The following TERT variants were observed in gnomAD, a reference collection of about 807,000 sequenced individuals.
TERT encodes telomerase reverse transcriptase.
A neutral mutation model predicts 104.0 loss-of-function variants in TERT; 42 were observed. That is an observed-to-expected ratio of 0.40 (90% CI 0.32 to 0.52). TERT has a LOEUF of 0.52. TERT is among the 20% of genes least tolerant of loss of function. The pLI is 0.43. For synonymous variants in TERT, 781 were observed against 725.6 expected, an observed-to-expected ratio of 1.08 and a Z score of -1.23; for missense variants, 1,101 against 1,610.3, an observed-to-expected ratio of 0.68 and a Z score of 5.41.
intron 6 of TERT, among the ~76,000 whole-genome samples, chr5:1,272,663 GCC>G: frequency 7.4e-5 from 4 of 54,290 alleles, no homozygotes; most frequent in African/African-American, 2.4e-4. Context: ...CCCCACGACC[GCC>G]ATCCACAGTC....
At chr5:1,273,132 C>CCTGTGACCGAT (rs1749231297) in intron 6 of TERT, among the ~76,000 whole-genome samples, 1 of 33,304 alleles carries the variant, frequency 3.0e-5, no homozygotes. Flanking sequence ...ACATCAGACC[C>CCTGTGACCGAT]CACGACCGCC....
rs905123078 is a variant in TERT, at chr5:1,292,952, A to T, written c.1573+361T>A. ...TCCCACCCTTGAAATTGCGAAGAGG[A>T]TTATAGGTAACCTGCAGGCACCCTC... On this transcript the variant is annotated intron_variant, in intron 2 of 15. Transcript: ENST00000310581. The surrounding 1 kb of genome is among the most constrained non-coding windows in gnomAD (Gnocchi z 5.5). Among the ~76,000 whole-genome samples, 7 of 152,098 alleles carry T rather than the reference A, an allele frequency of 4.6e-5. No homozygotes were observed. Among genetic ancestry groups the T allele is most frequent in the African/African-American group, 1.7e-4 (7 of 41,420 alleles).
At position 1,283,629 on chromosome 5, in the gene TERT, C is replaced by T. The variant is rs1285358366; in HGVS notation, c.1574-1005G>A. 5.3e-5 allele frequency among the ~76,000 whole-genome samples: 8 copies of T among 150,474 alleles called. No individual in the cohort carries two copies. The South Asian group carries it at 1.5e-3, about 28-fold the overall frequency. The stretch of plus-strand genomic sequence containing the variant: ...CCTGCACCATCCAGACACCGCACAT[C>T]CAGCTCACAGCAGGGCCTGGCGACC... On this transcript the variant is annotated intron_variant, in intron 2 of 15. Coordinates refer to ENST00000310581, the MANE Select transcript of TERT (RefSeq NM_198253.3).
chr5:1,274,312 C>T lies in TERT; in HGVS notation c.2287-2032G>A, dbSNP rs138847703. ...GCAGGCAACACGCCCACAAATAGCCCATGGGTCTGAGGTCGGCGGAAAGCA... is the reference window on the plus strand; with the variant it reads ...GCAGGCAACACGCCCACAAATAGCCTATGGGTCTGAGGTCGGCGGAAAGCA... On this transcript the variant is annotated intron_variant, in intron 6 of 15. Coordinates refer to ENST00000310581, the MANE Select transcript of TERT (RefSeq NM_198253.3). The surrounding 1 kb of genome is among the most constrained non-coding windows in gnomAD (Gnocchi z 5.3). Among the ~76,000 whole-genome samples the T allele has an allele frequency of 2.7e-3, 411 of 152,354 alleles. 3 individuals carry two copies. Among genetic ancestry groups the T allele is most frequent in the African/African-American group, 9.3e-3 (388 of 41,572 alleles).
At chr5:1,281,338 G>A (rs991019825) in intron 3 of TERT, among the ~76,000 whole-genome samples, 8 of 152,144 alleles carry the variant, frequency 5.3e-5, no homozygotes, top group African/African-American at 1.9e-4. Context: ...TACCTCTGAC[G>A]AGGTCTGCTG....
chr5:1,272,078 A>C, intron 7 of TERT, 107 bp downstream of exon 7: 1 of 972,908 alleles, frequency 1.0e-6, no homozygotes, highest in Non-Finnish European at 1.6e-6. Flanking sequence ...CATTCCCCCC[A>C]CTGCCCCCCA....
In TERT at chr5:1,293,668, C is replaced by T. The variant is rs1429465659; in HGVS notation, c.1218G>A (p.Gly406=). The T allele has an allele frequency of 6.4e-6, 10 of 1,567,046 alleles. No homozygotes were observed. Among genetic ancestry groups the T allele is most frequent in the Non-Finnish European group, 7.8e-6 (9 of 1,156,472 alleles). ...GCGGGCAGTGCGTCTTGAGGAGCAC[C>T]CCGTAGGGGCACTGCGCGTGGTTCC... ...LLGNHAQCPY[G]VLLKTHCPLR... Residue 406 remains glycine, a synonymous_variant, in exon 2 of 16, where the codon GGG becomes GGA. Transcript: ENST00000310581.
In TERT at chr5:1,294,075, A is replaced by C. The variant is rs1483728464; in HGVS notation, c.811T>G (p.Cys271Gly). 1.3e-6 allele frequency: 2 copies of C among 1,591,740 alleles called. No homozygotes were observed. The highest frequency in any genetic ancestry group is 2.7e-5 in the African/African-American group (2 of 74,360). The change falls in exon 2 of 16, where the codon TGT (cysteine) becomes GGT (glycine). Residue 271 changes from cysteine to glycine, a missense_variant. Cys to Gly is a radical substitution (Grantham distance 159). Transcript: ENST00000310581. ...RTRGPSDRGF[C>G]VVSPARPAEE... ...GCGGGTCTGGCAGGTGACACCACAC[A>C]GAAACCACGGTCACTCGGTCCACGC...
chr5:1,258,675 AAG>A lies in TERT; in HGVS notation c.2971-18_2971-17del, dbSNP rs1343011997. ...GGCTGTTCACCTAGAGTCGCCAAGA[AAG>A]AGTGAGAAACGGTAGAAACCTCTCT... On this transcript the variant is annotated splice_polypyrimidine_tract_variant and intron_variant, in intron 12 of 15. Transcript: ENST00000310581. The A allele has an allele frequency of 1.3e-6, 2 of 1,559,086 alleles. No homozygotes were observed. The highest frequency in any genetic ancestry group is 2.7e-5 in the African/African-American group (2 of 73,716).
intron 3 of TERT, 148 bp downstream of exon 3, chr5:1,282,281 T>C: frequency 2.6e-6 from 2 of 781,290 alleles, no homozygotes; most frequent in South Asian, 2.9e-5. Flanking sequence ...CAGAATCCAC[T>C]TGGACCAGGC....
At position 1,264,596 on chromosome 5, in the gene TERT, AG is replaced by A; in HGVS notation, c.2655-5del. 2 of 1,613,930 alleles carry A rather than the reference AG, an allele frequency of 1.2e-6. No homozygotes were observed. On this transcript the variant is annotated splice_region_variant and splice_polypyrimidine_tract_variant and intron_variant, in intron 10 of 15. Coordinates refer to ENST00000310581, the MANE Select transcript of TERT (RefSeq NM_198253.3). The stretch of plus-strand genomic sequence containing the variant: ...AGGGACACCTCGGACCAGGGTCCTA[AG>A]GCAGAGGGGCAATGTCAGCCCCAGG...
intron 3 of TERT, among the ~76,000 whole-genome samples, chr5:1,281,031 C>A (rs565268543): frequency 1.6e-4 from 24 of 152,192 alleles, no homozygotes; most frequent in Non-Finnish European, 3.2e-4. Flanking sequence ...AGGCACGGTA[C>A]CCTGTCCAGG....
chr5:1,254,528 G>A (rs1476585644), intron 14 of TERT, 23 bp from the exon 15 acceptor site: 2 of 1,604,084 alleles, frequency 1.2e-6, no homozygotes, highest in Non-Finnish European at 8.5e-7. Flanking sequence ...AGAGGCTGAG[G>A]AGTCACAGGC....
Position 1,280,202 on chromosome 5 carries a change from T to C in TERT, c.1906A>G (p.Met636Val), listed in dbSNP as rs1265160730. 3 of 1,614,080 alleles carry C rather than the reference T, an allele frequency of 1.9e-6. No individual in the cohort carries two copies. Among genetic ancestry groups the C allele is most frequent in the Admixed American group, 1.7e-5 (1 of 60,036 alleles). ...GTTCTGGCTCCCACGACGTAGTCCA[T>C]GTTCACAATCGGCCGCAGCCCGTCA... is the stretch of plus-strand genomic sequence containing the variant. ...KPDGLRPIVN[M>V]DYVVGARTFR... The change falls in exon 4 of 16, where the codon ATG becomes GTG. Residue 636 changes from methionine to valine, a missense_variant. Around this residue, in one of 5 missense-constraint regions of TERT, gnomAD observed 463 missense variants for 797.5 expected, o/e 0.58. Transcript: ENST00000310581.
intron 2 of TERT, among the ~76,000 whole-genome samples, chr5:1,290,282 T>G (rs1192163691): frequency 1.7e-5 from 1 of 59,896 alleles, no homozygotes. Flanking sequence ...ACCCTGAACG[T>G]GACAGGGACA....
At chr5:1,258,756 A>G (rs976724733) in intron 12 of TERT, 97 bp from the exon 13 acceptor site, 17 of 1,064,182 alleles carry the variant, frequency 1.6e-5, no homozygotes, top group Non-Finnish European at 1.7e-5. Flanking sequence ...GGAACAAGAA[A>G]GAGGAACATT....
chr5:1,291,682 G>A (rs552164707), intron 2 of TERT, among the ~76,000 whole-genome samples: 2 of 149,142 alleles, frequency 1.3e-5, no homozygotes, highest in Admixed American at 1.3e-4. Flanking sequence ...GGGACACCCG[G>A]GGGCCGCGCC....
Position 1,295,037 on chromosome 5 carries a change from A to ACCACACTGGGATCCGGCC in TERT, c.-49_-48insGGCCGGATCCCAGTGTGG. On this transcript the variant is annotated 5_prime_UTR_variant, in exon 1 of 16. Transcript: ENST00000310581. Reference sequence around the variant, plus strand: ...GCTTCCCACGTGCGCAGCAGGACGCAGCGCTGCCTGAAACTCGCGCCGCGA... The same window carrying ACCACACTGGGATCCGGCC: ...GCTTCCCACGTGCGCAGCAGGACGCACCACACTGGGATCCGGCCGCGCTGCCTGAAACTCGCGCCGCGA... 8.3e-7 allele frequency: 1 copy of ACCACACTGGGATCCGGCC among 1,211,982 alleles called. No individual in the cohort carries two copies. The highest frequency in any genetic ancestry group is 3.1e-5 in the South Asian group (1 of 31,940). 75.1% of individuals were successfully genotyped at this position (1,211,982 alleles called of 1,614,324 possible). A position where few individuals can be genotyped will look rare whatever the true frequency, so the allele number is the denominator to read the frequency against.
Position 1,274,954 on chromosome 5 carries a change from G to A in TERT, c.2287-2674C>T, listed in dbSNP as rs1749443573. On this transcript the variant is annotated intron_variant, in intron 6 of 15. Transcript: ENST00000310581. This position sits in a 1 kb window ranked among gnomAD's most constrained non-coding sequence, Gnocchi z 5.3. ...GGAAACAGCCGGGAAATCAGCACAC[G>A]TGAAACTCTTCTGTGAAGAGAGTCA... 6.6e-6 allele frequency among the ~76,000 whole-genome samples: 1 copy of A among 152,198 alleles called. No individual in the cohort carries two copies. Among genetic ancestry groups the A allele is most frequent in the Non-Finnish European group, 1.5e-5 (1 of 68,048 alleles).
Sources: gnomAD v4.1 joint callset for allele counts (sites outside exome capture counted in the v4.1 genomes callset) on GRCh38, gnomAD v4.1.1 for gene constraint, gnomAD v4.1.1 regional missense constraint, Gnocchi (gnomAD v3.1) non-coding constraint, MANE v1.5 for transcripts, NCBI Gene and HGNC (gene_info 2026-07-23, HGNC 2026-07-21) for gene names.